Variants in ZSWIM9 observed in about 807,000 individuals in gnomAD.
The protein encoded by ZSWIM9 is zinc finger SWIM-type containing 9.
Under a neutral mutation model 25.0 loss-of-function variants are expected in ZSWIM9, and 11 were observed. The ratio of observed to expected loss-of-function variants is 0.44; its 90% CI spans 0.28 to 0.73. The LOEUF (loss-of-function observed/expected upper bound fraction) is 0.73. ZSWIM9 is among the 30% of genes least tolerant of loss of function. The pLI, the probability that ZSWIM9 is intolerant of heterozygous loss-of-function variation, is 0.16. For synonymous variants in ZSWIM9, 562 were observed against 582.1 expected (o/e 0.97, Z 0.50); for missense variants, 1,070 against 1,296.5 (o/e 0.83, Z 2.68).
chr19:48,183,422 C>T lies in ZSWIM9; in HGVS notation c.588+655C>T, dbSNP rs570398506. Among the ~76,000 whole-genome samples the T allele has an allele frequency of 1.4e-3, 207 of 151,540 alleles. 1 individual carries two copies. The highest frequency in any genetic ancestry group is 4.6e-3 in the African/African-American group (189 of 41,260). ...GATTACAGGCGAGAGCCACCACGCCCGGCCTGAATTTATTCTAATTAATTG... is the reference window on the plus strand; with the variant it reads ...GATTACAGGCGAGAGCCACCACGCCTGGCCTGAATTTATTCTAATTAATTG... On this transcript the variant is annotated intron_variant, in intron 3 of 3. Coordinates refer to ENST00000614654, the MANE Select transcript of ZSWIM9 (RefSeq NM_199341.4).
In ZSWIM9 at chr19:48,195,792, C is replaced by T; in HGVS notation, c.1728C>T (p.Val576=). The T allele has an allele frequency of 6.7e-7, 1 of 1,496,424 alleles. No individual in the cohort carries two copies. The highest frequency in any genetic ancestry group is 8.9e-7 in the Non-Finnish European group (1 of 1,129,376). 92.7% of individuals were successfully genotyped at this position (1,496,424 alleles called of 1,614,324 possible). A position where few individuals can be genotyped will look rare whatever the true frequency, so the allele number is the denominator to read the frequency against. Residue 576 remains valine (V), a synonymous_variant, in exon 4 of 4, where the codon GTC becomes GTT. Transcript: ENST00000614654. The surrounding 1 kb of genome is among the most constrained non-coding windows in gnomAD (Gnocchi z 5.8). ...AAGATTGGGGACTGGAAGGTTATGT[C>T]TGGAGGGGGTCCCAGTTGGAGGACC... is the stretch of plus-strand genomic sequence containing the variant. The part of the protein sequence containing the change: ...GEKDWGLEGY[V]WRGSQLEDQA...
intron 3 of ZSWIM9, among the ~76,000 whole-genome samples, chr19:48,187,436 A>T (rs1304525686): frequency 2.1e-5 from 2 of 96,870 alleles, no homozygotes; most frequent in African/African-American, 7.8e-5. Context: ...ATATTATATT[A>T]TATATATTAT....
intron 1 of ZSWIM9, chr19:48,171,175 A>T: frequency 1.1e-5 from 11 of 963,192 alleles, no homozygotes; most frequent in Non-Finnish European, 1.4e-5. Context: ...GTGGCGAGCC[A>T]TAGGGTCATA....
rs770422989 is a variant in ZSWIM9 at position 48,196,436 on chromosome 19, C to T, written c.2372C>T (p.Ala791Val). The T allele has an allele frequency of 5.4e-5, 66 of 1,232,476 alleles. No homozygotes were observed. Among genetic ancestry groups the T allele is most frequent in the Non-Finnish European group, 6.5e-5 (64 of 988,336 alleles). The allele number at this position is 1,232,476 out of a possible 1,614,324, so 76.3% of individuals were successfully genotyped here. ...WAAARSEHLA[A>V]GDGLQEGGED... ...GCGGCGAGGAGTGAACACCTGGCTG[C>T]AGGTGACGGCCTGCAGGAAGGAGGC... Residue 791 changes from alanine (A) to valine (V), a missense_variant, in exon 4 of 4, where the codon GCA becomes GTA. Around this residue, in one of 4 missense-constraint regions of ZSWIM9, gnomAD observed 583 missense variants for 624.7 expected, o/e 0.93. Coordinates refer to ENST00000614654, the MANE Select transcript of ZSWIM9 (RefSeq NM_199341.4).
At chr19:48,193,837 A>G (rs1226229421) in intron 3 of ZSWIM9, among the ~76,000 whole-genome samples, 4 of 152,190 alleles carry the variant, frequency 2.6e-5, no homozygotes, top group Admixed American at 1.3e-4. Context: ...TCTTATTATC[A>G]TCACTTTACA....
intron 2 of ZSWIM9, among the ~76,000 whole-genome samples, chr19:48,176,650 T>C (rs955222258): frequency 6.6e-6 from 1 of 152,140 alleles, no homozygotes; most frequent in African/African-American, 2.4e-5. Flanking sequence ...ATGTGTTGTT[T>C]CTGGGCACCA....
Position 48,196,280 on chromosome 19 carries a change from T to C in ZSWIM9, c.2216T>C (p.Val739Ala). The change falls in exon 4 of 4, where the codon GTG becomes GCG. Residue 739 changes from valine (V) to alanine (A), a missense_variant. Around this residue, in one of 4 missense-constraint regions of ZSWIM9, gnomAD observed 583 missense variants for 624.7 expected, o/e 0.93. Transcript: ENST00000614654. ...GGAGATGGAGGGGGAGCCCGGTCCG[T>C]GGGCCCCAAGAGCCGAGCCGGACGA... ...ENGDGGGARS[V>A]GPKSRAGRGM... The C allele has an allele frequency of 8.1e-7, 1 of 1,232,926 alleles. No individual in the cohort carries two copies. The highest frequency in any genetic ancestry group is 1.0e-6 in the Non-Finnish European group (1 of 988,870). The allele number at this position is 1,232,926 out of a possible 1,614,324, so 76.4% of individuals were successfully genotyped here. A position where few individuals can be genotyped will look rare whatever the true frequency, so the allele number is the denominator to read the frequency against.
Position 48,194,853 on chromosome 19 carries a change from G to T in ZSWIM9, c.789G>T (p.Ala263=). The part of the protein sequence containing the change: ...GRARQAACCV[A]RPGTPSLLRF... ...CGCGCCAGGCTGCCTGCTGCGTGGC[G>T]CGCCCGGGCACACCGAGCCTGCTGC... Residue 263 remains alanine, a synonymous_variant, in exon 4 of 4, where the codon GCG becomes GCT. Coordinates refer to ENST00000614654, the MANE Select transcript of ZSWIM9 (RefSeq NM_199341.4). This position sits in a 1 kb window ranked among gnomAD's most constrained non-coding sequence, Gnocchi z 6.0. 7.3e-7 allele frequency: 1 copy of T among 1,363,272 alleles called. No homozygotes were observed. The highest frequency in any genetic ancestry group is 9.4e-7 in the Non-Finnish European group (1 of 1,066,410). The allele number at this position is 1,363,272 out of a possible 1,614,324, so 84.4% of individuals were successfully genotyped here. A position where few individuals can be genotyped will look rare whatever the true frequency, so the allele number is the denominator to read the frequency against.
chr19:48,187,300 C>T (rs1418124352), intron 3 of ZSWIM9, among the ~76,000 whole-genome samples: 17 of 141,492 alleles, frequency 1.2e-4, no homozygotes, highest in Non-Finnish European at 2.6e-4. Context: ...AGAAATTTCA[C>T]CTTTTTTTCA....
Position 48,194,589 on chromosome 19 carries a change from A to G in ZSWIM9, c.589-64A>G. ...GTAGAAGGGGAAACCGAGGTCGGGGAGCTGGGCGGGGAGACCCCAGCATCC... is the reference window on the plus strand; with the variant it reads ...GTAGAAGGGGAAACCGAGGTCGGGGGGCTGGGCGGGGAGACCCCAGCATCC... On this transcript the variant is annotated intron_variant, in intron 3 of 3. Coordinates refer to ENST00000614654, the MANE Select transcript of ZSWIM9 (RefSeq NM_199341.4). The surrounding 1 kb of genome is among the most constrained non-coding windows in gnomAD (Gnocchi z 6.0). 1 of 1,338,418 alleles carries G rather than the reference A, an allele frequency of 7.5e-7. No individual in the cohort carries two copies. The highest frequency in any genetic ancestry group is 3.5e-5 in the Admixed American group (1 of 28,426). 82.9% of individuals were successfully genotyped at this position (1,338,418 alleles called of 1,614,324 possible).
At position 48,196,481 on chromosome 19, in the gene ZSWIM9, C is replaced by A; in HGVS notation, c.2417C>A (p.Pro806Gln). The A allele has an allele frequency of 8.1e-7, 1 of 1,232,506 alleles. No individual in the cohort carries two copies. Among genetic ancestry groups the A allele is most frequent in the Non-Finnish European group, 1.0e-6 (1 of 988,376 alleles). 76.3% of individuals were successfully genotyped at this position (1,232,506 alleles called of 1,614,324 possible). The change falls in exon 4 of 4, where the codon CCA becomes CAA. Residue 806 changes from proline (P) to glutamine (Q), a missense_variant. Pro to Gln is a moderately conservative substitution (Grantham distance 76, BLOSUM62 -1). Coordinates refer to ENST00000614654, the MANE Select transcript of ZSWIM9 (RefSeq NM_199341.4). ...GGAGGCGAAGATGGCCCCAGGGAAC[C>A]AAAGAGGCTTTGCCGACCCCCGGGA... ...QEGGEDGPRE[P>Q]KRLCRPPGEE...
intron 3 of ZSWIM9, among the ~76,000 whole-genome samples, chr19:48,189,097 C>G (rs1457136176): frequency 3.3e-5 from 5 of 152,066 alleles, no homozygotes; most frequent in African/African-American, 1.2e-4. Context: ...CAATATCTAT[C>G]AAAATGACAA....
chr19:48,175,008 G>A (rs138697835), intron 2 of ZSWIM9, among the ~76,000 whole-genome samples: 1 of 152,166 alleles, frequency 6.6e-6, no homozygotes, highest in African/African-American at 2.4e-5. Flanking sequence ...AGGGGGAGAT[G>A]AGAGGAGGAT....
At chr19:48,172,473 A>G (rs1421048130) in intron 2 of ZSWIM9, among the ~76,000 whole-genome samples, 1 of 151,746 alleles carries the variant, frequency 6.6e-6, no homozygotes, top group East Asian at 1.9e-4. Context: ...ATGCCCGGCT[A>G]ATTTTTGTGT....
In ZSWIM9 at chr19:48,182,128, T is replaced by C. The variant is rs1029602032; in HGVS notation, c.276-327T>C. 12 of 320,060 alleles carry C rather than the reference T, an allele frequency of 3.7e-5. No homozygotes were observed. In the Admixed American group the frequency reaches 5.0e-4, roughly 13 times the overall value. The allele number at this position is 320,060 out of a possible 1,614,324, so 19.8% of individuals were successfully genotyped here. Reference sequence around the variant, plus strand: ...TCACTTTTGACAGAACTAAGGGTGGTAGGTATAGAATTTTAGTGAACACTT... The same window carrying C: ...TCACTTTTGACAGAACTAAGGGTGGCAGGTATAGAATTTTAGTGAACACTT... On this transcript the variant is annotated intron_variant, in intron 2 of 3. Transcript: ENST00000614654. The surrounding 1 kb of genome is among the most constrained non-coding windows in gnomAD (Gnocchi z 4.6).
Position 48,197,330 on chromosome 19 carries a change from C to A in ZSWIM9, c.*503C>A. 1.4e-6 allele frequency: 1 copy of A among 699,434 alleles called. No individual in the cohort carries two copies. The highest frequency in any genetic ancestry group is 2.6e-6 in the Non-Finnish European group (1 of 383,428). The allele number at this position is 699,434 out of a possible 1,614,324, so 43.3% of individuals were successfully genotyped here. A position where few individuals can be genotyped will look rare whatever the true frequency, so the allele number is the denominator to read the frequency against. ...GGAGGAGAGAGGACAAGCAAAGAGACAGAAATGAAGACATGAGGAAAAGCT... is the reference window on the plus strand; with the variant it reads ...GGAGGAGAGAGGACAAGCAAAGAGAAAGAAATGAAGACATGAGGAAAAGCT... On this transcript the variant is annotated 3_prime_UTR_variant, in exon 4 of 4. Coordinates refer to ENST00000614654, the MANE Select transcript of ZSWIM9 (RefSeq NM_199341.4).
intron 1 of ZSWIM9, chr19:48,171,507 A>T: frequency 1.9e-6 from 1 of 523,842 alleles, no homozygotes; most frequent in East Asian, 1.5e-4. Context: ...GGGAGGAGAG[A>T]TTCCAACTGT....
At chr19:48,192,449 CAAAAAAAAAAAAAAAAA>C (rs57895777) in intron 3 of ZSWIM9, among the ~76,000 whole-genome samples, 1 of 9,228 alleles carries the variant, frequency 1.1e-4, no homozygotes, top group Non-Finnish European at 1.9e-4. Flanking sequence ...GACTCTGTCT[CAAAAAAAAAAAAAAAAA>C]AAAAAAAAAA....
At chr19:48,178,615 C>T (rs546691387) in intron 2 of ZSWIM9, among the ~76,000 whole-genome samples, 1 of 151,736 alleles carries the variant, frequency 6.6e-6, no homozygotes, top group South Asian at 2.1e-4. Context: ...CTCGCTCTGT[C>T]GCCCAGGCTG....
Sources: gnomAD v4.1 joint callset for allele counts (sites outside exome capture counted in the v4.1 genomes callset) on GRCh38, gnomAD v4.1.1 for gene constraint, gnomAD v4.1.1 regional missense constraint, Gnocchi (gnomAD v3.1) non-coding constraint, MANE v1.5 for transcripts, NCBI Gene and HGNC (gene_info 2026-07-23, HGNC 2026-07-21) for gene names.